Variants in RPS6KA3 observed in about 807,000 individuals in gnomAD.
RPS6KA3 encodes ribosomal protein S6 kinase A3.
RPS6KA3 carries 4 observed loss-of-function variants against 67.2 expected under a neutral mutation model. The ratio of observed to expected loss-of-function variants is 0.06; its 90% CI spans 0.03 to 0.14. RPS6KA3 has a LOEUF of 0.14. Ranked by LOEUF, RPS6KA3 falls within the 10% of genes least tolerant of loss-of-function variation. The pLI is 1.00. For missense variants in RPS6KA3, 204 were observed against 559.0 expected (o/e 0.36, Z 6.40); for synonymous variants, 182 against 183.7 (o/e 0.99, Z 0.07).
chrX:20,253,244 G>A (rs1222452531), intron 1 of RPS6KA3, among the ~76,000 whole-genome samples: 8 of 107,886 alleles, frequency 7.4e-5, no homozygotes, highest in Non-Finnish European at 1.5e-4. Flanking sequence ...GGGGTGGGGT[G>A]GGGTGGGGTT....
intron 4 of RPS6KA3, among the ~76,000 whole-genome samples, chrX:20,199,321 G>T (rs1025628035): frequency 7.1e-5 from 8 of 111,899 alleles, no homozygotes; most frequent in African/African-American, 2.3e-4. Context: ...GCAGGGAGAA[G>T]GGTACAGGGG....
intron 1 of RPS6KA3, among the ~76,000 whole-genome samples, chrX:20,256,795 T>C (rs114128914): frequency 0.025 from 2,777 of 111,935 alleles, 87 homozygotes; most frequent in African/African-American, 0.081. Flanking sequence ...TCTACAGGCC[T>C]CCTTGGTGAG....
chrX:20,187,056 C>T (rs916645786), intron 9 of RPS6KA3, among the ~76,000 whole-genome samples: 4 of 110,637 alleles, frequency 3.6e-5, no homozygotes, highest in Admixed American at 1.9e-4. Context: ...GCTGGTCTTA[C>T]AGGCATGAGC....
intron 2 of RPS6KA3, among the ~76,000 whole-genome samples, chrX:20,212,020 CA>C (rs1434238832): frequency 9.0e-6 from 1 of 111,699 alleles, no homozygotes; most frequent in Non-Finnish European, 1.9e-5. Flanking sequence ...GCAACACAAG[CA>C]GGGAAGAATA....
chrX:20,262,111 C>T (rs994239518), intron 1 of RPS6KA3, among the ~76,000 whole-genome samples: 2 of 111,633 alleles, frequency 1.8e-5, no homozygotes, highest in Non-Finnish European at 3.8e-5. Context: ...ATAATCTGAA[C>T]CGTTGGGTCT....
intron 1 of RPS6KA3, among the ~76,000 whole-genome samples, chrX:20,243,250 A>G (rs765977177): frequency 9.0e-6 from 1 of 111,559 alleles, no homozygotes; most frequent in Non-Finnish European, 1.9e-5. Context: ...GTTATCTTTG[A>G]TGCTTCTTAA....
intron 1 of RPS6KA3, among the ~76,000 whole-genome samples, chrX:20,237,140 CAGTT>C (rs1158279092): frequency 2.7e-5 from 3 of 111,671 alleles, no homozygotes; most frequent in Admixed American, 9.5e-5. Context: ...CAATCAATGT[CAGTT>C]AGTTTTCTTA....
intron 3 of RPS6KA3, among the ~76,000 whole-genome samples, chrX:20,207,950 A>C (rs772493460): frequency 1.8e-5 from 2 of 112,129 alleles, no homozygotes; most frequent in Non-Finnish European, 3.8e-5. Flanking sequence ...AGTGGTAAGG[A>C]ATCACTGCAT....
intron 10 of RPS6KA3, among the ~76,000 whole-genome samples, chrX:20,180,892 T>C (rs1291766465): frequency 8.9e-6 from 1 of 112,253 alleles, no homozygotes; most frequent in Non-Finnish European, 1.9e-5. Context: ...ACTGACTAGG[T>C]TTCTATGAAT....
At chrX:20,208,024 C>T (rs1191920307) in intron 3 of RPS6KA3, among the ~76,000 whole-genome samples, 1 of 111,577 alleles carries the variant, frequency 9.0e-6, no homozygotes, top group African/African-American at 3.3e-5. Context: ...ACCAGTGATC[C>T]CCAACCTTTT....
At chrX:20,193,416 C>A in intron 7 of RPS6KA3, 71 bp downstream of exon 7, 2 of 623,538 alleles carry the variant, frequency 3.2e-6, no homozygotes, top group Non-Finnish European at 5.3e-6. Flanking sequence ...TTTCATGAAG[C>A]CACTTGATTT....
Position 20,176,490 on chromosome X carries a change from G to A in RPS6KA3, c.943C>T (p.Pro315Ser), listed in dbSNP as rs1356590482. 6 of 1,177,900 alleles carry A rather than the reference G, an allele frequency of 5.1e-6. No homozygotes were observed. The highest frequency in any genetic ancestry group is 5.8e-6 in the Non-Finnish European group (5 of 867,364). ...RNPANRLGAG[P>S]DGVEEIKRHS... ...CTTTTAATTTCTTCAACTCCATCTG[G>A]TCCTGCACCTATCAAAAATGGATTC... The change falls in exon 12 of 22, where the codon CCA (proline) becomes TCA (serine). Residue 315 changes from proline to serine, a missense_variant. Physicochemically the swap from Pro to Ser is moderately conservative, Grantham distance 74 (BLOSUM62 -1). This residue lies in a region of RPS6KA3 where 76 missense variants were observed against 250.3 expected (regional missense o/e 0.30). Coordinates refer to ENST00000379565, the MANE Select transcript of RPS6KA3 (RefSeq NM_004586.3).
chrX:20,176,717 G>T (rs1401779658), intron 11 of RPS6KA3, among the ~76,000 whole-genome samples: 1 of 110,438 alleles, frequency 9.1e-6, no homozygotes, highest in Non-Finnish European at 1.9e-5. Flanking sequence ...TCAACTTCCT[G>T]AGTAGCTGGG....
intron 1 of RPS6KA3, among the ~76,000 whole-genome samples, chrX:20,250,770 T>C (rs770887671): frequency 7.9e-4 from 88 of 112,084 alleles, no homozygotes; most frequent in African/African-American, 2.5e-3. Flanking sequence ...TTTGTTTTGC[T>C]AGTTTTTGTT....
chrX:20,227,771 G>C (rs2069160418), intron 2 of RPS6KA3, among the ~76,000 whole-genome samples: 1 of 110,667 alleles, frequency 9.0e-6, no homozygotes, highest in East Asian at 2.8e-4. Flanking sequence ...AAAAGATGCT[G>C]TCAATTAATA....
chrX:20,217,473 A>G (rs995571181), intron 2 of RPS6KA3, among the ~76,000 whole-genome samples: 1 of 112,835 alleles, frequency 8.9e-6, no homozygotes, highest in Non-Finnish European at 1.9e-5. Context: ...CCTTGTATAC[A>G]TAATTTCCTT....
At chrX:20,155,605 T>C (rs2067170411) in intron 21 of RPS6KA3, 85 bp from the exon 22 acceptor site, 3 of 1,026,010 alleles carry the variant, frequency 2.9e-6, no homozygotes, top group Non-Finnish European at 2.7e-6. Flanking sequence ...TTTTTTCATA[T>C]GCAAATGTAC....
At chrX:20,243,580 G>T (rs188462549) in intron 1 of RPS6KA3, among the ~76,000 whole-genome samples, 53 of 111,165 alleles carry the variant, frequency 4.8e-4, no homozygotes, top group African/African-American at 1.6e-3. Flanking sequence ...CTGCCTCCCG[G>T]GTTCAAGGGA....
intron 19 of RPS6KA3, among the ~76,000 whole-genome samples, chrX:20,162,446 C>A (rs2067328096): frequency 9.2e-6 from 1 of 108,169 alleles, no homozygotes; most frequent in South Asian, 3.9e-4. Context: ...TATAAAAAAT[C>A]AGTAATGATA....
Sources: allele counts gnomAD v4.1 joint callset (sites outside exome capture counted in the v4.1 genomes callset), GRCh38; gene constraint gnomAD v4.1.1; regional missense constraint gnomAD v4.1.1; transcripts MANE v1.5; gene names NCBI Gene and HGNC (gene_info 2026-07-23, HGNC 2026-07-21).